TAF3: variants seen among roughly 807,000 people sequenced by gnomAD.
TAF3 encodes transcription initiation factor TFIID subunit 3.
Under a neutral mutation model 80.6 loss-of-function variants are expected in TAF3, and 7 were observed. The ratio of observed to expected loss-of-function variants is 0.09; its 90% CI spans 0.05 to 0.16. The LOEUF is 0.16. Among genes scored for constraint, TAF3 ranks in the 10% least tolerant of loss-of-function variants. TAF3 has a pLI of 1.00. For synonymous variants in TAF3, 444 were observed against 446.1 expected, an observed-to-expected ratio of 1.00 and a Z score of 0.06; for missense variants, 921 against 1,140.2, an observed-to-expected ratio of 0.81 and a Z score of 2.77.
intron 2 of TAF3, among the ~76,000 whole-genome samples, chr10:7,830,744 A>G (rs794553): frequency 1.3e-5 from 2 of 152,092 alleles, no homozygotes; most frequent in Non-Finnish European, 2.9e-5. Flanking sequence ...TCGGCCTCCC[A>G]AAGTGCTGGG....
chr10:7,884,962 T>A (rs1431348210), intron 2 of TAF3, among the ~76,000 whole-genome samples: 1 of 151,886 alleles, frequency 6.6e-6, no homozygotes, highest in East Asian at 1.9e-4. Flanking sequence ...TGCTAACCCA[T>A]ACCAATATAT....
intron 4 of TAF3, among the ~76,000 whole-genome samples, chr10:7,998,762 C>T (rs1831914596): frequency 6.6e-6 from 1 of 151,720 alleles, no homozygotes; most frequent in African/African-American, 2.4e-5. Flanking sequence ...TTGCTTGAAC[C>T]CAGGAGGTGG....
intron 2 of TAF3, among the ~76,000 whole-genome samples, chr10:7,827,998 C>G (rs543281751): frequency 1.3e-5 from 2 of 152,216 alleles, no homozygotes; most frequent in African/African-American, 4.8e-5. Flanking sequence ...TTCTCGTCCC[C>G]TTTTTCTTTT....
chr10:8,014,844 A>G lies in TAF3; in HGVS notation c.*93A>G. 7 of 1,080,554 alleles carry G rather than the reference A, an allele frequency of 6.5e-6. No homozygotes were observed. In the South Asian group the frequency reaches 1.1e-4, roughly 17 times the overall value. 66.9% of individuals were successfully genotyped at this position (1,080,554 alleles called of 1,614,324 possible). On this transcript the variant is annotated 3_prime_UTR_variant, in exon 7 of 7. Coordinates refer to ENST00000344293, the MANE Select transcript of TAF3 (RefSeq NM_031923.4). The stretch of plus-strand genomic sequence containing the variant: ...CTGGTGCAAGTCTGCCGTCACATCC[A>G]CCCCCAGATGCCTGTGGATAAAGAA...
rs1831811204 is a variant in TAF3 at position 7,989,346 on chromosome 10, G to C, written c.2315+12023G>C. On this transcript the variant is annotated intron_variant, in intron 4 of 6. Coordinates refer to ENST00000344293, the MANE Select transcript of TAF3 (RefSeq NM_031923.4). ...GGGCAAGGCAAATGGGTGCTGTGTA[G>C]AGACAGGCAAACCCAGCAGATGCCC... 3.9e-5 allele frequency among the ~76,000 whole-genome samples: 6 copies of C among 152,328 alleles called. 1 individual carries two copies. The Middle Eastern group carries it at 0.01, about 259-fold the overall frequency.
intron 6 of TAF3, 73 bp downstream of exon 6, chr10:8,013,910 T>C: frequency 7.8e-7 from 1 of 1,276,134 alleles, no homozygotes; most frequent in Non-Finnish European, 1.1e-6. Context: ...AAGCATCCAC[T>C]GAGTAGATTC....
intron 2 of TAF3, among the ~76,000 whole-genome samples, chr10:7,876,549 G>A (rs1012159099): frequency 1.3e-5 from 2 of 152,134 alleles, no homozygotes; most frequent in Non-Finnish European, 2.9e-5. Context: ...TGAGTTTATT[G>A]TCCACATAGG....
At chr10:7,976,072 A>G (rs917201083) in intron 3 of TAF3, among the ~76,000 whole-genome samples, 5 of 152,170 alleles carry the variant, frequency 3.3e-5, no homozygotes, top group Non-Finnish European at 7.3e-5. Context: ...AATGTTGATT[A>G]TATGATCTGC....
At chr10:8,002,223 C>T (rs1158168475) in intron 4 of TAF3, among the ~76,000 whole-genome samples, 1 of 152,130 alleles carries the variant, frequency 6.6e-6, no homozygotes, top group Non-Finnish European at 1.5e-5. Context: ...CACTTCCTGA[C>T]CTAAAATTGT....
At chr10:7,854,062 T>G (rs74123640) in intron 2 of TAF3, among the ~76,000 whole-genome samples, 137 of 152,354 alleles carry the variant, frequency 9.0e-4, no homozygotes, top group African/African-American at 2.9e-3. Context: ...CAGCCAGTTG[T>G]TAAACATTTA....
At chr10:7,869,255 G>T (rs999250280) in intron 2 of TAF3, among the ~76,000 whole-genome samples, 1 of 151,408 alleles carries the variant, frequency 6.6e-6, no homozygotes, top group Non-Finnish European at 1.5e-5. Context: ...CCGTGTGTGT[G>T]TGTGTCTGTG....
At chr10:7,914,975 C>G (rs1190890348) in intron 2 of TAF3, among the ~76,000 whole-genome samples, 1 of 127,186 alleles carries the variant, frequency 7.9e-6, no homozygotes, top group Non-Finnish European at 1.6e-5. Flanking sequence ...GAGTCTTGCT[C>G]TGTCGCCCAG....
At chr10:7,961,599 T>A (rs896008519) in intron 2 of TAF3, among the ~76,000 whole-genome samples, 2 of 152,182 alleles carry the variant, frequency 1.3e-5, no homozygotes, top group Non-Finnish European at 2.9e-5. Flanking sequence ...TTCCTCTTGT[T>A]TCTTCCTTGT....
At chr10:7,849,671 C>A (rs115555668) in intron 2 of TAF3, among the ~76,000 whole-genome samples, 4,351 of 150,862 alleles carry the variant, frequency 0.029, 90 homozygotes, top group South Asian at 0.085. Flanking sequence ...GGGGTTCATG[C>A]GAACTTTTTT....
intron 2 of TAF3, among the ~76,000 whole-genome samples, chr10:7,859,718 A>G (rs1482797586): frequency 6.6e-6 from 1 of 152,030 alleles, no homozygotes; most frequent in Non-Finnish European, 1.5e-5. Flanking sequence ...TTACTCATTT[A>G]GTTTGTTTTC....
chr10:7,863,608 T>TAAAAAAA lies in TAF3; in HGVS notation c.409+39061_409+39067dup, dbSNP rs1230925353. Among the ~76,000 whole-genome samples the TAAAAAAA allele has an allele frequency of 1.2e-3, 24 of 20,446 alleles. 2 individuals are homozygous for TAAAAAAA. The highest frequency in any genetic ancestry group is 3.0e-3 in the South Asian group (1 of 332). 13.4% of individuals were successfully genotyped at this position (20,446 alleles called of 152,430 possible). ...CTGATGACCAGAGCAAAACTCTGTC[T>TAAAAAAA]AAAAAAAAAAAAAAAAAAATATATA... On this transcript the variant is annotated intron_variant, in intron 2 of 6. Transcript: ENST00000344293.
intron 2 of TAF3, among the ~76,000 whole-genome samples, chr10:7,914,844 C>G (rs1837693095): frequency 6.6e-6 from 1 of 151,628 alleles, no homozygotes; most frequent in Admixed American, 6.6e-5. Context: ...ATCACTGACC[C>G]ATTAGCCTTT....
intron 2 of TAF3, among the ~76,000 whole-genome samples, chr10:7,951,889 T>G (rs187436657): frequency 2.6e-5 from 4 of 152,188 alleles, no homozygotes; most frequent in Non-Finnish European, 5.9e-5. Flanking sequence ...TCTCTATGAT[T>G]GTAGGGTTTT....
At chr10:7,862,055 C>G (rs755693344) in intron 2 of TAF3, among the ~76,000 whole-genome samples, 11 of 152,090 alleles carry the variant, frequency 7.2e-5, no homozygotes, top group Non-Finnish European at 1.2e-4. Flanking sequence ...ACTGAGCTTT[C>G]TGCTACACAT....
Sources: allele counts gnomAD v4.1 joint callset (sites outside exome capture counted in the v4.1 genomes callset), GRCh38; gene constraint gnomAD v4.1.1; transcripts MANE v1.5; gene names NCBI Gene and HGNC (gene_info 2026-07-23, HGNC 2026-07-21).